Variants in XPOT observed in about 807,000 individuals in gnomAD.
XPOT encodes the protein exportin-T.
XPOT carries 34 observed loss-of-function variants against 128.2 expected under a neutral mutation model. That is an observed-to-expected ratio of 0.27 (90% CI 0.20 to 0.35). The LOEUF (loss-of-function observed/expected upper bound fraction) is 0.35. Among genes scored for constraint, XPOT ranks in the 10% least tolerant of loss-of-function variants. The probability of loss-of-function intolerance (pLI) is 1.00; values close to 1 mark genes in which losing one functional copy is unlikely to be tolerated. For missense variants in XPOT, 838 were observed against 1,125.3 expected, an observed-to-expected ratio of 0.74 and a Z score of 3.65; for synonymous variants, 348 against 394.3, an observed-to-expected ratio of 0.88 and a Z score of 1.39.
chr12:64,422,929 A>T, intron 9 of XPOT, 76 bp from the exon 10 acceptor site: 1 of 1,363,708 alleles, frequency 7.3e-7, no homozygotes, highest in Non-Finnish European at 1.0e-6. Context: ...ACCAGGTCTT[A>T]ATTGATTCGA....
intron 2 of XPOT, among the ~76,000 whole-genome samples, chr12:64,414,660 G>A (rs2040071106): frequency 6.6e-6 from 1 of 152,130 alleles, no homozygotes; most frequent in Admixed American, 6.5e-5. Context: ...GGGCATTTTT[G>A]TGTTGTTGCT....
intron 24 of XPOT, among the ~76,000 whole-genome samples, chr12:64,445,766 A>G (rs1229759606): frequency 1.3e-5 from 2 of 152,230 alleles, no homozygotes; most frequent in Non-Finnish European, 2.9e-5. Flanking sequence ...TAAGGAGCTC[A>G]TGATCTAGAA....
chr12:64,430,881 T>C (rs766021145), intron 17 of XPOT, among the ~76,000 whole-genome samples: 2 of 152,230 alleles, frequency 1.3e-5, no homozygotes, highest in Non-Finnish European at 2.9e-5. Flanking sequence ...CTAGTCATAA[T>C]AAGTGGATTT....
chr12:64,418,569 T>C (rs1347033787), intron 5 of XPOT, among the ~76,000 whole-genome samples: 1 of 152,164 alleles, frequency 6.6e-6, no homozygotes, highest in Non-Finnish European at 1.5e-5. Context: ...TTTTTTCTTC[T>C]TAGAAGAAAT....
Position 64,425,040 on chromosome 12 carries a change from A to G in XPOT, c.1310A>G (p.Asn437Ser). ...VRRVFSSTLQ[N>S]WQTTRFMEVE... ...ACTGACATATTATACCTTGGTAGGA[A>G]TTGGCAGACTACACGGTTTATGGAA... is the stretch of plus-strand genomic sequence containing the variant. The change falls in exon 13 of 25, where the codon AAT becomes AGT. Residue 437 changes from asparagine to serine, a missense_variant and splice_region_variant. Physicochemically the swap from Asn to Ser is conservative, Grantham distance 46. This residue lies in a region of XPOT where 761 missense variants were observed against 988.3 expected (regional missense o/e 0.77). Coordinates refer to ENST00000332707, the MANE Select transcript of XPOT (RefSeq NM_007235.6). 6.2e-7 allele frequency: 1 copy of G among 1,612,440 alleles called. No homozygotes were observed. Among genetic ancestry groups the G allele is most frequent in the East Asian group, 2.2e-5 (1 of 44,866 alleles).
At position 64,448,828 on chromosome 12, in the gene XPOT, A is replaced by G. The variant is rs1472207975; in HGVS notation, c.*697A>G. On this transcript the variant is annotated 3_prime_UTR_variant, in exon 25 of 25. Transcript: ENST00000332707. ...TTTAACCTCACTCCTCAAAGGTAACATGCAACTTAGTTCTGTTATATGAGA... is the reference window on the plus strand; with the variant it reads ...TTTAACCTCACTCCTCAAAGGTAACGTGCAACTTAGTTCTGTTATATGAGA... 5.3e-5 allele frequency: 8 copies of G among 152,194 alleles called. No individual in the cohort carries two copies. Among genetic ancestry groups the G allele is most frequent in the Non-Finnish European group, 1.0e-4 (7 of 68,040 alleles). The allele number at this position is 152,194 out of a possible 1,614,324, so 9.4% of individuals were successfully genotyped here.
Position 64,404,439 on chromosome 12 carries a change from C to G in XPOT, c.-440C>G, listed in dbSNP as rs1426708378. On this transcript the variant is annotated 5_prime_UTR_variant, in exon 1 of 25. Transcript: ENST00000332707. ...CCGGCGCCCGCCCGCGCGGCACCGA[C>G]GCGGGGAGCGCGCTTCGCGCTGACT... 6.5e-6 allele frequency: 1 copy of G among 153,962 alleles called. No individual in the cohort carries two copies. Among genetic ancestry groups the G allele is most frequent in the African/African-American group, 2.4e-5 (1 of 41,268 alleles). The allele number at this position is 153,962 out of a possible 1,614,324, so 9.5% of individuals were successfully genotyped here. A position where few individuals can be genotyped will look rare whatever the true frequency, so the allele number is the denominator to read the frequency against.
rs2040128359 is a variant in XPOT, at chr12:64,420,472, A to C, written c.794A>C (p.Glu265Ala). 1 of 1,613,794 alleles carries C rather than the reference A, an allele frequency of 6.2e-7. No homozygotes were observed. Among genetic ancestry groups the C allele is most frequent in the South Asian group, 1.1e-5 (1 of 91,050 alleles). Residue 265 changes from glutamate to alanine, a missense_variant, in exon 8 of 25, where the codon GAA becomes GCA. Transcript: ENST00000332707. The part of the protein sequence containing the change: ...MDPVDKMKLV[E>A]SLCQVLQSAG... ...CCTGTTGATAAAATGAAACTAGTGG[A>C]ATCTTTGTGTCAAGTATTACAGTCT...
chr12:64,431,854 T>C, intron 18 of XPOT, 31 bp downstream of exon 18: 1 of 1,594,762 alleles, frequency 6.3e-7, no homozygotes, highest in Non-Finnish European at 8.5e-7. Context: ...TCTGAAAATC[T>C]CTTGAAGATC....
chr12:64,449,091 A>T lies in XPOT; in HGVS notation c.*960A>T, dbSNP rs1212519941. On this transcript the variant is annotated 3_prime_UTR_variant, in exon 25 of 25. Coordinates refer to ENST00000332707, the MANE Select transcript of XPOT (RefSeq NM_007235.6). The stretch of plus-strand genomic sequence containing the variant: ...ACGCTCGTAATCCCGGCTACTCAGG[A>T]GGCTGAGGCAGGAGAATCGCTTGAA... The T allele has an allele frequency of 6.6e-6, 1 of 151,812 alleles. No individual in the cohort carries two copies. The highest frequency in any genetic ancestry group is 1.5e-5 in the Non-Finnish European group (1 of 68,210). 9.4% of individuals were successfully genotyped at this position (151,812 alleles called of 1,614,324 possible).
intron 3 of XPOT, among the ~76,000 whole-genome samples, chr12:64,416,477 C>A (rs902476322): frequency 1.3e-5 from 2 of 152,142 alleles, no homozygotes; most frequent in Non-Finnish European, 2.9e-5. Flanking sequence ...GTTTGCTTGT[C>A]AGATTTAATG....
rs1422375934 is a variant in XPOT, at chr12:64,450,795, A to G, written c.*2664A>G. 2.0e-5 allele frequency: 3 copies of G among 152,226 alleles called. No individual in the cohort carries two copies. Among genetic ancestry groups the G allele is most frequent in the African/African-American group, 7.2e-5 (3 of 41,462 alleles). The allele number at this position is 152,226 out of a possible 1,614,324, so 9.4% of individuals were successfully genotyped here. A position where few individuals can be genotyped will look rare whatever the true frequency, so the allele number is the denominator to read the frequency against. ...ACTAGGGAACCACAAGTTTTCATATAATGCCTGATTTAGCCCTGTGCCTAA... is the reference window on the plus strand; with the variant it reads ...ACTAGGGAACCACAAGTTTTCATATGATGCCTGATTTAGCCCTGTGCCTAA... On this transcript the variant is annotated 3_prime_UTR_variant, in exon 25 of 25. Coordinates refer to ENST00000332707, the MANE Select transcript of XPOT (RefSeq NM_007235.6).
chr12:64,419,779 T>C (rs2040121446), intron 6 of XPOT, among the ~76,000 whole-genome samples: 1 of 152,260 alleles, frequency 6.6e-6, no homozygotes, highest in African/African-American at 2.4e-5. Flanking sequence ...CTTCATCACA[T>C]AGTGTAAGTA....
At chr12:64,436,920 C>G (rs1425874827) in intron 22 of XPOT, among the ~76,000 whole-genome samples, 1 of 152,174 alleles carries the variant, frequency 6.6e-6, no homozygotes, top group African/African-American at 2.4e-5. Context: ...ATTTAAAAAT[C>G]TCAAATACTT....
chr12:64,414,253 C>T (rs969268050), intron 2 of XPOT, among the ~76,000 whole-genome samples: 2 of 152,176 alleles, frequency 1.3e-5, no homozygotes, highest in African/African-American at 4.8e-5. Context: ...GGCACTGTTA[C>T]TTGTGATTAC....
intron 15 of XPOT, among the ~76,000 whole-genome samples, chr12:64,427,529 G>T (rs942061141): frequency 6.6e-6 from 1 of 152,060 alleles, no homozygotes; most frequent in Non-Finnish European, 1.5e-5. Flanking sequence ...GGGGTCTCAT[G>T]CTGTCGCCTA....
Position 64,428,089 on chromosome 12 carries a change from GA to G in XPOT, c.1708del (p.Ile570TyrfsTer5). 1 of 1,575,868 alleles carries G rather than the reference GA, an allele frequency of 6.3e-7. No homozygotes were observed. Among genetic ancestry groups the G allele is most frequent in the Non-Finnish European group, 8.7e-7 (1 of 1,147,302 alleles). On this transcript the variant is annotated frameshift_variant, in exon 16 of 25. Transcript: ENST00000332707. LOFTEE classifies it high-confidence loss of function. Reference sequence around the variant, plus strand: ...CCTTTCATTGAGGATATTTTGAATAGAATACAAGATTTATTAGAGCTTTCTC... The same window carrying G: ...CCTTTCATTGAGGATATTTTGAATAGATACAAGATTTATTAGAGCTTTCTC... ...MNPFIEDILN[R>X]IQDLLELSPP...
chr12:64,415,012 T>A (rs532716871), intron 3 of XPOT, 23 bp downstream of exon 3: 1 of 1,478,048 alleles, frequency 6.8e-7, no homozygotes, highest in Non-Finnish European at 9.5e-7. Context: ...AAAATTTGCA[T>A]GACAATTTAA....
rs1309667377 is a variant in XPOT at position 64,435,673 on chromosome 12, G to A, written c.2732G>A (p.Arg911Gln). 2 of 1,600,956 alleles carry A rather than the reference G, an allele frequency of 1.2e-6. No homozygotes were observed. The highest frequency in any genetic ancestry group is 1.1e-5 in the South Asian group (1 of 89,514). The change falls in exon 22 of 25, where the codon CGG (arginine) becomes CAG (glutamine). Residue 911 changes from arginine to glutamine, a missense_variant and splice_region_variant. By Grantham distance (43) the Arg-to-Gln change is conservative. Around this residue, in one of 3 missense-constraint regions of XPOT, gnomAD observed 56 missense variants for 79.2 expected, o/e 0.71. Coordinates refer to ENST00000332707, the MANE Select transcript of XPOT (RefSeq NM_007235.6). ...ACACTGAAAACAATTCATCTCAAAC[G>A]GGTAAGCCTTTTAGTCCATGCCCCT... ...AVTLKTIHLK[R>Q]GPECVQYLQQ...
Sources: gnomAD v4.1 joint callset for allele counts (sites outside exome capture counted in the v4.1 genomes callset) on GRCh38, gnomAD v4.1.1 for gene constraint, gnomAD v4.1.1 regional missense constraint, MANE v1.5 for transcripts, NCBI Gene and HGNC (gene_info 2026-07-23, HGNC 2026-07-21) for gene names.